Variants in SYCP1 observed in about 807,000 individuals in gnomAD.
The protein encoded by SYCP1 is cancer/testis antigen 8.
Under a neutral mutation model 153.1 loss-of-function variants are expected in SYCP1, and 64 were observed. That is an observed-to-expected ratio of 0.42 (90% CI 0.34 to 0.51). SYCP1 has a LOEUF of 0.51. SYCP1 is among the 20% of genes least tolerant of loss of function. SYCP1 has a pLI of 0.06. For synonymous variants in SYCP1, 384 were observed against 341.8 expected (o/e 1.12, Z -1.36); for missense variants, 997 against 1,049.0 (o/e 0.95, Z 0.68).
chr1:114,988,177 G>C (rs1189302353), intron 30 of SYCP1, among the ~76,000 whole-genome samples: 1 of 151,334 alleles, frequency 6.6e-6, no homozygotes, highest in Non-Finnish European at 1.5e-5. Flanking sequence ...ATACATTGTA[G>C]GAATTCCAGA....
chr1:114,975,224 A>G (rs1672732848), intron 27 of SYCP1, among the ~76,000 whole-genome samples: 1 of 151,592 alleles, frequency 6.6e-6, no homozygotes, highest in Non-Finnish European at 1.5e-5. Context: ...GGAGTTGTTT[A>G]TGATTCTGGA....
chr1:114,866,437 A>G (rs1378772586), intron 8 of SYCP1, among the ~76,000 whole-genome samples: 1 of 152,064 alleles, frequency 6.6e-6, no homozygotes, highest in Non-Finnish European at 1.5e-5. Flanking sequence ...ATGACATATG[A>G]TGGGAATCTT....
In SYCP1 at chr1:114,977,428, T is replaced by C. The variant is rs562667654; in HGVS notation, c.2323-129T>C. ...AACTAACTTTTCTTTTTTTTCTTTT[T>C]ATTACTTTATAAGATTGAGAGGTTC... On this transcript the variant is annotated intron_variant, in intron 27 of 31. Transcript: ENST00000369522. The C allele has an allele frequency of 1.0e-3, 578 of 567,900 alleles. 1 individual carries two copies. The highest frequency in any genetic ancestry group is 1.5e-3 in the Non-Finnish European group (504 of 342,776). The allele number at this position is 567,900 out of a possible 1,614,324, so 35.2% of individuals were successfully genotyped here. A position where few individuals can be genotyped will look rare whatever the true frequency, so the allele number is the denominator to read the frequency against.
At chr1:114,913,740 C>G (rs796092393) in intron 19 of SYCP1, among the ~76,000 whole-genome samples, 5 of 152,014 alleles carry the variant, frequency 3.3e-5, no homozygotes, top group African/African-American at 1.2e-4. Context: ...CTCAAAGTAA[C>G]GCTGGAAAAC....
Position 114,855,460 on chromosome 1 carries a change from A to C in SYCP1, c.-5A>C, listed in dbSNP as rs1429635854. The C allele has an allele frequency of 6.2e-7, 1 of 1,608,356 alleles. No homozygotes were observed. The highest frequency in any genetic ancestry group is 2.2e-5 in the East Asian group (1 of 44,704). ...CAGTAGATATTTACAACCGTAACAGAGAAAATGGAAAAGCAAAAGCCCTTT... is the reference window on the plus strand; with the variant it reads ...CAGTAGATATTTACAACCGTAACAGCGAAAATGGAAAAGCAAAAGCCCTTT... On this transcript the variant is annotated 5_prime_UTR_variant, in exon 2 of 32. Transcript: ENST00000369522.
intron 3 of SYCP1, 107 bp from the exon 4 acceptor site, chr1:114,857,125 C>CCT (rs1664022596): frequency 5.5e-6 from 4 of 731,252 alleles, no homozygotes; most frequent in Admixed American, 4.1e-5. Flanking sequence ...TGCCAGATGT[C>CCT]CTCTCTCTCT....
intron 23 of SYCP1, among the ~76,000 whole-genome samples, chr1:114,936,159 T>A (rs1669994863): frequency 6.6e-6 from 1 of 152,126 alleles, no homozygotes; most frequent in Non-Finnish European, 1.5e-5. Flanking sequence ...CTCAATAAAA[T>A]ACTGGCAAAC....
chr1:114,856,694 G>A, intron 3 of SYCP1, 37 bp downstream of exon 3: 1 of 1,462,340 alleles, frequency 6.8e-7, no homozygotes, highest in South Asian at 1.2e-5. Flanking sequence ...AGCTTATATA[G>A]AAACATTGTG....
At chr1:114,963,716 T>C (rs1044050305) in intron 27 of SYCP1, among the ~76,000 whole-genome samples, 14 of 152,248 alleles carry the variant, frequency 9.2e-5, no homozygotes, top group Non-Finnish European at 1.9e-4. Context: ...TTCTTTTTTA[T>C]GGCTGCATAG....
chr1:114,913,090 G>C lies in SYCP1; in HGVS notation c.1587G>C (p.Glu529Asp). The C allele has an allele frequency of 6.2e-7, 1 of 1,612,224 alleles. No individual in the cohort carries two copies. Among genetic ancestry groups the C allele is most frequent in the Non-Finnish European group, 8.5e-7 (1 of 1,178,932 alleles). Residue 529 changes from glutamate to aspartate, a missense_variant, in exon 19 of 32, where the codon GAG becomes GAC. Coordinates refer to ENST00000369522, the MANE Select transcript of SYCP1 (RefSeq NM_003176.4). ...HCNKLSLENK[E>D]LTQETSDMTL... is the part of the protein sequence containing the mutation. ...ACAAGCTTTCACTAGAAAACAAAGAGCTCACACAGGAAACAAGTGATATGA... is the reference window on the plus strand; with the variant it reads ...ACAAGCTTTCACTAGAAAACAAAGACCTCACACAGGAAACAAGTGATATGA...
At chr1:114,861,799 C>CTTTTTTTTTTTTTTTTTTTGTTT (rs1334859101) in intron 8 of SYCP1, among the ~76,000 whole-genome samples, 1 of 129,908 alleles carries the variant, frequency 7.7e-6, no homozygotes, top group Non-Finnish European at 1.7e-5. Context: ...TTTTTTTATT[C>CTTTTTTTTTTTTTTTTTTTGTTT]TTTTTTTTTT....
chr1:114,862,785 T>G (rs1312037216), intron 8 of SYCP1: 1 of 152,116 alleles, frequency 6.6e-6, no homozygotes, highest in Non-Finnish European at 1.5e-5. Context: ...GTTTTTTTTT[T>G]AAAGTCTTGA....
intron 23 of SYCP1, among the ~76,000 whole-genome samples, chr1:114,938,871 A>G (rs1182350394): frequency 2.0e-5 from 3 of 152,158 alleles, no homozygotes; most frequent in Admixed American, 2.0e-4. Flanking sequence ...ATTACCTCAT[A>G]CCCATTAGAA....
chr1:114,911,098 A>G (rs1405066313), intron 17 of SYCP1, among the ~76,000 whole-genome samples: 1 of 151,932 alleles, frequency 6.6e-6, no homozygotes, highest in African/African-American at 2.4e-5. Context: ...AGAACATTAT[A>G]GTTCTTATTA....
intron 9 of SYCP1, among the ~76,000 whole-genome samples, chr1:114,875,425 GA>G (rs1203691826): frequency 1.3e-5 from 2 of 151,746 alleles, no homozygotes; most frequent in Admixed American, 6.6e-5. Flanking sequence ...ACGCCCGGCT[GA>G]TTTTTTGTAT....
rs1179689741 is a variant in SYCP1 at position 114,947,287 on chromosome 1, TAAG to T, written c.2293_2295del (p.Lys765del). 1.2e-6 allele frequency: 2 copies of T among 1,613,086 alleles called. No individual in the cohort carries two copies. The highest frequency in any genetic ancestry group is 1.7e-6 in the Non-Finnish European group (2 of 1,179,586). ...ATCTCAAAGCTGAACTTTTGTCTGT[TAAG>T]AAGCAACTTGAAATAGAAAGAGAAG... On this transcript the variant is annotated inframe_deletion, in exon 27 of 32. Coordinates refer to ENST00000369522, the MANE Select transcript of SYCP1 (RefSeq NM_003176.4).
chr1:114,986,507 A>G (rs1557854635), intron 30 of SYCP1, among the ~76,000 whole-genome samples: 1 of 152,020 alleles, frequency 6.6e-6, no homozygotes, highest in South Asian at 2.1e-4. Flanking sequence ...CAAACTTGCA[A>G]CACAATAAAC....
intron 23 of SYCP1, among the ~76,000 whole-genome samples, chr1:114,931,498 C>T (rs991269333): frequency 2.0e-5 from 3 of 151,960 alleles, no homozygotes; most frequent in Non-Finnish European, 4.4e-5. Context: ...GCATAAAAAT[C>T]CATTAAATAG....
intron 20 of SYCP1, among the ~76,000 whole-genome samples, chr1:114,922,687 CTG>C (rs1248997627): frequency 6.6e-6 from 1 of 152,024 alleles, no homozygotes; most frequent in Non-Finnish European, 1.5e-5. Flanking sequence ...AATATCCAAA[CTG>C]TATCATTGCA....
Sources: allele counts gnomAD v4.1 joint callset (sites outside exome capture counted in the v4.1 genomes callset), GRCh38; gene constraint gnomAD v4.1.1; transcripts MANE v1.5; gene names NCBI Gene and HGNC (gene_info 2026-07-23, HGNC 2026-07-21).